The following PCDHGB3 variants were observed in gnomAD, a reference collection of about 807,000 sequenced individuals.
PCDHGB3 encodes the protein protocadherin gamma-B3.
PCDHGB3 carries 40 observed loss-of-function variants against 59.2 expected under a neutral mutation model. That is an observed-to-expected ratio of 0.68 (90% CI 0.52 to 0.88). The LOEUF (loss-of-function observed/expected upper bound fraction) is 0.88. Among genes scored for constraint, PCDHGB3 ranks in the 40% least tolerant of loss-of-function variants. The probability of loss-of-function intolerance (pLI) is 0.00; values close to 1 mark genes in which losing one functional copy is unlikely to be tolerated. For missense variants in PCDHGB3, 1,309 were observed against 1,187.9 expected (o/e 1.10, Z -1.50); for synonymous variants, 581 against 503.6 (o/e 1.15, Z -2.06).
rs1196083589 is a variant in PCDHGB3, at chr5:141,486,525, A to G, written c.2416-8282A>G. On this transcript the variant is annotated intron_variant, in intron 1 of 3. Coordinates refer to ENST00000576222, the MANE Select transcript of PCDHGB3 (RefSeq NM_018924.5). This position sits in a 1 kb window ranked among gnomAD's most constrained non-coding sequence, Gnocchi z 5.0. ...CTCAATATTTCAGATGTGAATGATA[A>G]TCCACCCTCTTTCTTTCAGAGGTCA... 1 of 1,614,158 alleles carries G rather than the reference A, an allele frequency of 6.2e-7. No individual in the cohort carries two copies. Among genetic ancestry groups the G allele is most frequent in the African/African-American group, 1.3e-5 (1 of 75,054 alleles).
rs1488446232 is a variant in PCDHGB3, at chr5:141,493,171, A to G, written c.2416-1636A>G. On this transcript the variant is annotated intron_variant, in intron 1 of 3. Coordinates refer to ENST00000576222, the MANE Select transcript of PCDHGB3 (RefSeq NM_018924.5). This position sits in a 1 kb window ranked among gnomAD's most constrained non-coding sequence, Gnocchi z 4.3. ...GGTGATTTTGATAGCTGATTGAGAG[A>G]AACTTACTATATAACTCCTTTGAGA... is the stretch of plus-strand genomic sequence containing the variant. 6.6e-6 allele frequency among the ~76,000 whole-genome samples: 1 copy of G among 152,214 alleles called. No homozygotes were observed. The highest frequency in any genetic ancestry group is 1.5e-5 in the Non-Finnish European group (1 of 68,034).
rs139608956 is a variant in PCDHGB3, at chr5:141,510,637, A to G, written c.2564-310A>G. Among the ~76,000 whole-genome samples, 4 of 152,242 alleles carry G rather than the reference A, an allele frequency of 2.6e-5. No individual in the cohort carries two copies. The East Asian group carries it at 7.7e-4, about 29-fold the overall frequency. ...ACTAAAACCAGAAGAGGTGGTTACC[A>G]TTATCATCCCCATTTTGCAGATGAG... On this transcript the variant is annotated intron_variant, in intron 3 of 3. Transcript: ENST00000576222.
At position 141,431,914 on chromosome 5, in the gene PCDHGB3, C is replaced by A. The variant is rs745837291; in HGVS notation, c.2415+59105C>A. 6.2e-7 allele frequency: 1 copy of A among 1,613,912 alleles called. No individual in the cohort carries two copies. Among genetic ancestry groups the A allele is most frequent in the African/African-American group, 1.3e-5 (1 of 75,070 alleles). On this transcript the variant is annotated intron_variant, in intron 1 of 3. Transcript: ENST00000576222. The surrounding 1 kb of genome is among the most constrained non-coding windows in gnomAD (Gnocchi z 4.8). ...AGGAAAACGGACAGGTGATCTGTTT[C>A]ATCCAAGGAAATCTGCCCTTTAAAT...
intron 1 of PCDHGB3, among the ~76,000 whole-genome samples, chr5:141,438,835 A>T (rs1591550617): frequency 6.7e-6 from 1 of 149,784 alleles, no homozygotes; most frequent in African/African-American, 2.5e-5. Flanking sequence ...CTAATTTTTT[A>T]AAATATTTTT....
chr5:141,414,009 TGGA>T (rs2095701451), intron 1 of PCDHGB3: 2 of 1,612,964 alleles, frequency 1.2e-6, no homozygotes, highest in Middle Eastern at 1.7e-4. Context: ...AAGGTGCCAA[TGGA>T]GAAGTGACAT....
In PCDHGB3 at chr5:141,432,278, A is replaced by G. The variant is rs923930127; in HGVS notation, c.2415+59469A>G. On this transcript the variant is annotated intron_variant, in intron 1 of 3. Transcript: ENST00000576222. The surrounding 1 kb of genome is among the most constrained non-coding windows in gnomAD (Gnocchi z 6.0). ...GGCAAGCCTATCGTCCTACGTGTCC[A>G]TCAACTCCGACACTGGGGTACTGTA... 3.7e-5 allele frequency: 59 copies of G among 1,614,078 alleles called. No individual in the cohort carries two copies. Among genetic ancestry groups the G allele is most frequent in the Non-Finnish European group, 4.7e-5 (55 of 1,180,036 alleles).
intron 1 of PCDHGB3, chr5:141,408,083 C>G (rs1045548793): frequency 3.5e-6 from 5 of 1,414,460 alleles, no homozygotes; most frequent in Non-Finnish European, 4.7e-6. Context: ...CCCAGCACAG[C>G]GGATTGCCAG....
Position 141,370,355 on chromosome 5 carries a change from C to A in PCDHGB3, c.-40C>A. On this transcript the variant is annotated 5_prime_UTR_variant, in exon 1 of 4. Transcript: ENST00000576222. Reference sequence around the variant, plus strand: ...ACTCTTGGGATTATTTAAAGATCTCCTCTCCTCGGATTTAGAAAGGCAAAG... The same window carrying A: ...ACTCTTGGGATTATTTAAAGATCTCATCTCCTCGGATTTAGAAAGGCAAAG... 2.0e-6 allele frequency: 3 copies of A among 1,508,892 alleles called. No individual in the cohort carries two copies. Among genetic ancestry groups the A allele is most frequent in the Non-Finnish European group, 1.8e-6 (2 of 1,127,272 alleles). 93.5% of individuals were successfully genotyped at this position (1,508,892 alleles called of 1,614,324 possible). A position where few individuals can be genotyped will look rare whatever the true frequency, so the allele number is the denominator to read the frequency against.
At chr5:141,406,547 A>G (rs1414255326) in intron 1 of PCDHGB3, among the ~76,000 whole-genome samples, 1 of 152,216 alleles carries the variant, frequency 6.6e-6, no homozygotes, top group Non-Finnish European at 1.5e-5. Flanking sequence ...TTCAAACTTC[A>G]GTTATCCACT....
intron 1 of PCDHGB3, among the ~76,000 whole-genome samples, chr5:141,466,670 G>T (rs994949602): frequency 6.6e-6 from 1 of 152,046 alleles, no homozygotes; most frequent in Non-Finnish European, 1.5e-5. Flanking sequence ...TGATTTCACC[G>T]TTCTTCCACT....
At chr5:141,394,785 G>C in intron 1 of PCDHGB3, 2 of 1,613,722 alleles carry the variant, frequency 1.2e-6, no homozygotes, top group South Asian at 2.2e-5. Flanking sequence ...CTCCGCCACT[G>C]TCACGCTCAC....
At chr5:141,410,161 ACT>A (rs758781174) in intron 1 of PCDHGB3, 27 of 1,613,102 alleles carry the variant, frequency 1.7e-5, no homozygotes, top group South Asian at 1.1e-5. Flanking sequence ...GACAGCCGCC[ACT>A]CTCTGCCACC....
intron 1 of PCDHGB3, chr5:141,418,609 C>G: frequency 6.2e-7 from 1 of 1,614,026 alleles, no homozygotes. Flanking sequence ...ACAGGGTTAG[C>G]CTTCGGGAAG....
At chr5:141,420,214 C>G (rs1356792048) in intron 1 of PCDHGB3, 1 of 1,611,064 alleles carries the variant, frequency 6.2e-7, no homozygotes, top group Admixed American at 1.7e-5. Context: ...ACAAAGATAG[C>G]ATGCTACTGG....
At chr5:141,415,189 A>G (rs575244490) in intron 1 of PCDHGB3, 2 of 1,613,958 alleles carry the variant, frequency 1.2e-6, no homozygotes, top group Non-Finnish European at 1.7e-6. Context: ...GGCCGACAGC[A>G]TCCCCCAAGT....
At chr5:141,375,806 G>C (rs1223554303) in intron 1 of PCDHGB3, 1 of 1,614,088 alleles carries the variant, frequency 6.2e-7, no homozygotes, top group African/African-American at 1.3e-5. Context: ...TTCCACTGGC[G>C]TGGAGCTGGC....
intron 3 of PCDHGB3, among the ~76,000 whole-genome samples, chr5:141,510,660 G>A (rs2099882170): frequency 1.3e-5 from 2 of 152,174 alleles, no homozygotes; most frequent in East Asian, 1.9e-4. Context: ...TTTTGCAGAT[G>A]AGAAAACTGA....
chr5:141,494,948 G>C (rs909146), intron 2 of PCDHGB3, 83 bp downstream of exon 2: 1 of 1,608,226 alleles, frequency 6.2e-7, no homozygotes, highest in South Asian at 1.1e-5. Flanking sequence ...GGAGGGCCCA[G>C]CATTTGCTAC....
At chr5:141,400,000 G>A (rs765622041) in intron 1 of PCDHGB3, 1 of 1,612,388 alleles carries the variant, frequency 6.2e-7, no homozygotes, top group Non-Finnish European at 8.5e-7. Context: ...GGTGCGCACA[G>A]CGCGTGCCTT....
Sources: gnomAD v4.1 joint callset for allele counts (sites outside exome capture counted in the v4.1 genomes callset) on GRCh38, gnomAD v4.1.1 for gene constraint, Gnocchi (gnomAD v3.1) non-coding constraint, MANE v1.5 for transcripts, NCBI Gene and HGNC (gene_info 2026-07-23, HGNC 2026-07-21) for gene names.